TMEM45A: variants seen among roughly 807,000 people sequenced by gnomAD.
The protein encoded by TMEM45A is transmembrane protein 45A.
TMEM45A carries 25 observed loss-of-function variants against 32.0 expected under a neutral mutation model. The observed-to-expected ratio is 0.78, with a 90% CI of 0.57 to 1.09. TMEM45A has a LOEUF of 1.09. TMEM45A is among the 50% of genes least tolerant of loss of function. The probability of loss-of-function intolerance (pLI) is 0.00; values close to 1 mark genes in which losing one functional copy is unlikely to be tolerated. For synonymous variants in TMEM45A, 122 were observed against 114.8 expected (o/e 1.06, Z -0.40); for missense variants, 302 against 325.0 (o/e 0.93, Z 0.54).
intron 1 of TMEM45A, among the ~76,000 whole-genome samples, chr3:100,534,282 T>C (rs1705701144): frequency 1.3e-5 from 2 of 152,218 alleles, no homozygotes; most frequent in Admixed American, 1.3e-4. Flanking sequence ...TGTTACCTGA[T>C]GCAGCCAAAA....
At chr3:100,571,330 A>AT (rs1477601320) in intron 5 of TMEM45A, 1 of 151,044 alleles carries the variant, frequency 6.6e-6, no homozygotes. Flanking sequence ...GTGAGTACAT[A>AT]TTTTTTCTAG....
In TMEM45A at chr3:100,558,594, G is replaced by GT. The variant is rs1196357304; in HGVS notation, c.588+7dup. On this transcript the variant is annotated splice_donor_region_variant and intron_variant, in intron 4 of 5. Transcript: ENST00000323523. ...CAGGGGAGCTGGTTCTTTCAGGTGA[G>GT]TTGGGGCCTCTAGTTAATGTACCTG... 6.2e-7 allele frequency: 1 copy of GT among 1,612,922 alleles called. No homozygotes were observed. The highest frequency in any genetic ancestry group is 8.5e-7 in the Non-Finnish European group (1 of 1,179,278).
intron 1 of TMEM45A, among the ~76,000 whole-genome samples, chr3:100,496,258 T>G (rs537967788): frequency 1.8e-4 from 28 of 152,354 alleles, no homozygotes; most frequent in Non-Finnish European, 3.2e-4. Flanking sequence ...GCCTATTTGA[T>G]ACATCTGCGA....
intron 5 of TMEM45A, chr3:100,571,981 T>C (rs1457238859): frequency 6.6e-6 from 1 of 152,238 alleles, no homozygotes; most frequent in Non-Finnish European, 1.5e-5. Context: ...TGCCACATTT[T>C]CTTAATCCAA....
chr3:100,536,080 A>C (rs1229484671), intron 1 of TMEM45A, among the ~76,000 whole-genome samples: 5 of 152,164 alleles, frequency 3.3e-5, no homozygotes, highest in Non-Finnish European at 2.9e-5. Flanking sequence ...TGTCACATCT[A>C]GGGGGAAGGT....
At chr3:100,501,453 C>T (rs1342847728) in intron 1 of TMEM45A, among the ~76,000 whole-genome samples, 2 of 152,194 alleles carry the variant, frequency 1.3e-5, no homozygotes, top group African/African-American at 2.4e-5. Context: ...GTTCCAAACC[C>T]TCACAGGTGA....
intron 1 of TMEM45A, among the ~76,000 whole-genome samples, chr3:100,539,371 T>C (rs1027717541): frequency 1.3e-5 from 2 of 151,344 alleles, no homozygotes; most frequent in Non-Finnish European, 2.9e-5. Flanking sequence ...TTTTAACAGA[T>C]GGAGCTGAAC....
At chr3:100,548,775 G>A (rs9843498) in intron 1 of TMEM45A, among the ~76,000 whole-genome samples, 63,817 of 152,092 alleles carry the variant, frequency 0.42, 13,568 homozygotes, top group Middle Eastern at 0.49. Context: ...TGCCTCAAGC[G>A]CCTGAAGTGT....
chr3:100,563,253 G>A (rs1409133972), intron 4 of TMEM45A, among the ~76,000 whole-genome samples: 1 of 152,056 alleles, frequency 6.6e-6, no homozygotes, highest in Admixed American at 6.6e-5. Flanking sequence ...TCTTCACATG[G>A]CCTTCTTATA....
rs569090289 is a variant in TMEM45A, at chr3:100,533,094, G to A, written c.-3-22115G>A. 3.3e-5 allele frequency among the ~76,000 whole-genome samples: 5 copies of A among 152,054 alleles called. No homozygotes were observed. The South Asian group carries it at 1.0e-3, about 32-fold the overall frequency. ...TGTAAAATGTCTTGGTACATAATAGGAGCCCAGTCATTACTGGCCTCTCTC... is the reference window on the plus strand; with the variant it reads ...TGTAAAATGTCTTGGTACATAATAGAAGCCCAGTCATTACTGGCCTCTCTC... On this transcript the variant is annotated intron_variant, in intron 1 of 5. Transcript: ENST00000323523.
chr3:100,513,777 G>C (rs1032490369), intron 1 of TMEM45A, among the ~76,000 whole-genome samples: 29 of 152,288 alleles, frequency 1.9e-4, no homozygotes, highest in Middle Eastern at 3.4e-3. Flanking sequence ...CTTCAGCAAA[G>C]TCTCAGGATA....
intron 1 of TMEM45A, among the ~76,000 whole-genome samples, chr3:100,545,482 G>A (rs1705964315): frequency 6.6e-6 from 1 of 152,132 alleles, no homozygotes; most frequent in Non-Finnish European, 1.5e-5. Context: ...CTACCCCAGT[G>A]ACTACAATGT....
intron 5 of TMEM45A, among the ~76,000 whole-genome samples, chr3:100,575,245 T>C (rs139694706): frequency 3.9e-4 from 59 of 152,228 alleles, no homozygotes; most frequent in African/African-American, 5.5e-4. Flanking sequence ...CTAGTTCTTA[T>C]GACACTCTTT....
At chr3:100,569,038 A>T in intron 5 of TMEM45A, 71 bp downstream of exon 5, 1 of 1,475,520 alleles carries the variant, frequency 6.8e-7, no homozygotes, top group Non-Finnish European at 9.3e-7. Context: ...AGTGGTATTG[A>T]ATTTAAAATT....
chr3:100,543,266 G>C (rs929179029), intron 1 of TMEM45A, among the ~76,000 whole-genome samples: 16 of 152,008 alleles, frequency 1.1e-4, no homozygotes, highest in Non-Finnish European at 1.5e-4. Flanking sequence ...TGGATGTTCA[G>C]ATTATTTCCA....
intron 1 of TMEM45A, among the ~76,000 whole-genome samples, chr3:100,510,480 A>G (rs1576260591): frequency 6.6e-6 from 1 of 152,248 alleles, no homozygotes. Context: ...CATCACCATC[A>G]TCAAAGACCA....
At chr3:100,496,621 C>T (rs370449732) in intron 1 of TMEM45A, among the ~76,000 whole-genome samples, 4 of 152,200 alleles carry the variant, frequency 2.6e-5, no homozygotes, top group South Asian at 4.1e-4. Flanking sequence ...ATTTGCCTGG[C>T]GGGGGCCAGA....
chr3:100,543,946 T>G (rs1450565976), intron 1 of TMEM45A, among the ~76,000 whole-genome samples: 1 of 152,288 alleles, frequency 6.6e-6, no homozygotes, highest in South Asian at 2.1e-4. Flanking sequence ...GGCGATAGCA[T>G]TACCTATTTC....
At chr3:100,574,670 T>C (rs1706644701) in intron 5 of TMEM45A, 1 of 152,240 alleles carries the variant, frequency 6.6e-6, no homozygotes, top group African/African-American at 2.4e-5. Flanking sequence ...GTTAGTGTTA[T>C]CTACTGGCTA....
Sources: gnomAD v4.1 joint callset for allele counts (sites outside exome capture counted in the v4.1 genomes callset) on GRCh38, gnomAD v4.1.1 for gene constraint, MANE v1.5 for transcripts, NCBI Gene and HGNC (gene_info 2026-07-23, HGNC 2026-07-21) for gene names.